Variants in DROSHA observed in about 807,000 individuals in gnomAD.
The protein encoded by DROSHA is ribonuclease 3.
In DROSHA, 56 loss-of-function variants were observed where a neutral mutation model predicts 181.9. That is an observed-to-expected ratio of 0.31 (90% CI 0.25 to 0.38). DROSHA has a LOEUF of 0.38. DROSHA is among the 10% of genes least tolerant of loss of function. The pLI is 1.00. For synonymous variants in DROSHA, 524 were observed against 591.2 expected (o/e 0.89, Z 1.65); for missense variants, 1,218 against 1,743.5 (o/e 0.70, Z 5.37).
chr5:31,449,252 A>G (rs1746679758), intron 22 of DROSHA, 29 bp downstream of exon 22: 1 of 1,611,430 alleles, frequency 6.2e-7, no homozygotes. Context: ...AAAATAGGAG[A>G]TTCACATCTT....
intron 16 of DROSHA, among the ~76,000 whole-genome samples, chr5:31,477,923 C>T (rs531523707): frequency 6.6e-6 from 1 of 152,108 alleles, no homozygotes; most frequent in Admixed American, 6.6e-5. Flanking sequence ...TTGAATAATC[C>T]TTGGTTTAAA....
At chr5:31,474,898 A>AGG (rs1750190369) in intron 16 of DROSHA, among the ~76,000 whole-genome samples, 1 of 152,242 alleles carries the variant, frequency 6.6e-6, no homozygotes, top group African/African-American at 2.4e-5. Flanking sequence ...CTGATCTCAG[A>AGG]CTACCAGCCT....
At chr5:31,407,433 G>A (rs1346928976) in intron 33 of DROSHA, among the ~76,000 whole-genome samples, 1 of 152,086 alleles carries the variant, frequency 6.6e-6, no homozygotes, top group Non-Finnish European at 1.5e-5. Flanking sequence ...ATCAGAAAAT[G>A]TATTTAATTT....
In DROSHA at chr5:31,504,603, T is replaced by C; in HGVS notation, c.1620A>G (p.Ala540=). The change falls in exon 11 of 36, where the codon GCA becomes GCG. Residue 540 remains alanine, a synonymous_variant. Transcript: ENST00000344624. ...MNDGPLCKCS[A]KARRTGIRHS... is the part of the protein sequence containing the mutation. Reference sequence around the variant, plus strand: ...GCCTAATTCCTGTGCGTCTTGCCTTTGCGCTGCATTTGCAGAGTGGTCCAT... The same window carrying C: ...GCCTAATTCCTGTGCGTCTTGCCTTCGCGCTGCATTTGCAGAGTGGTCCAT... The C allele has an allele frequency of 6.2e-7, 1 of 1,614,014 alleles. No individual in the cohort carries two copies. The highest frequency in any genetic ancestry group is 8.5e-7 in the Non-Finnish European group (1 of 1,179,890).
chr5:31,446,221 C>T (rs890876644), intron 23 of DROSHA, among the ~76,000 whole-genome samples: 24 of 151,138 alleles, frequency 1.6e-4, no homozygotes, highest in East Asian at 9.8e-4. Context: ...CCAAGGCGGG[C>T]GGATCACAAG....
rs1031727394 is a variant in DROSHA at position 31,514,340 on chromosome 5, T to C, written c.1290+648A>G. Among the ~76,000 whole-genome samples the C allele has an allele frequency of 6.6e-5, 10 of 151,938 alleles. No homozygotes were observed. The highest frequency in any genetic ancestry group is 2.4e-4 in the African/African-American group (10 of 41,322). On this transcript the variant is annotated intron_variant, in intron 8 of 35. Transcript: ENST00000344624. This position sits in a 1 kb window ranked among gnomAD's most constrained non-coding sequence, Gnocchi z 4.4. ...ACCACCAGTACTGAGACTACCAGTA[T>C]CATTAAAAATGTAGAATAGGCTGGG...
At chr5:31,440,630 G>A (rs1028546293) in intron 23 of DROSHA, among the ~76,000 whole-genome samples, 1 of 152,092 alleles carries the variant, frequency 6.6e-6, no homozygotes, top group Non-Finnish European at 1.5e-5. Context: ...ACATCACTCT[G>A]GAAAGCAATT....
At chr5:31,413,514 T>A (rs1181950618) in intron 30 of DROSHA, among the ~76,000 whole-genome samples, 1 of 152,174 alleles carries the variant, frequency 6.6e-6, no homozygotes, top group Non-Finnish European at 1.5e-5. Flanking sequence ...CCCAGGGGTA[T>A]CAGCAAGAAA....
rs968341093 is a variant in DROSHA at position 31,431,721 on chromosome 5, A to G, written c.3043-43T>C. 11 of 1,593,988 alleles carry G rather than the reference A, an allele frequency of 6.9e-6. No individual in the cohort carries two copies. In the African/African-American group the frequency reaches 9.4e-5, roughly 14 times the overall value. On this transcript the variant is annotated intron_variant, in intron 25 of 35. Transcript: ENST00000344624. ...ACAAAACGTAAGAAAGAGTTTGCCA[A>G]AATCTTAACTATAGTAACTCAGCAT...
intron 31 of DROSHA, among the ~76,000 whole-genome samples, chr5:31,410,369 G>A (rs996399631): frequency 6.6e-6 from 1 of 152,190 alleles, no homozygotes; most frequent in African/African-American, 2.4e-5. Flanking sequence ...TCAGTATTTA[G>A]TGAATAAATT....
Position 31,401,449 on chromosome 5 carries a change from C to T in DROSHA, c.4108G>A (p.Glu1370Lys). 2 of 1,612,942 alleles carry T rather than the reference C, an allele frequency of 1.2e-6. No individual in the cohort carries two copies. Among genetic ancestry groups the T allele is most frequent in the Non-Finnish European group, 1.7e-6 (2 of 1,179,336 alleles). Residue 1370 changes from glutamate (E) to lysine (K), a missense_variant, in exon 36 of 36, where the codon GAA (glutamate) becomes AAA (lysine). Glu to Lys is a moderately conservative substitution (Grantham distance 56, BLOSUM62 1). Coordinates refer to ENST00000344624, the MANE Select transcript of DROSHA (RefSeq NM_001382508.1). ...GCCCTCCTTTATTTCTTGATGTCTTCAGTCTCATCTGGCTCTCTCTCTTGA... is the reference window on the plus strand; with the variant it reads ...GCCCTCCTTTATTTCTTGATGTCTTTAGTCTCATCTGGCTCTCTCTCTTGA... ...EHQEREPDET[E>K]DIKK
At chr5:31,484,456 A>C (rs553362852) in intron 15 of DROSHA, among the ~76,000 whole-genome samples, 2 of 148,804 alleles carry the variant, frequency 1.3e-5, no homozygotes, top group African/African-American at 5.0e-5. Flanking sequence ...AGAACCAAGC[A>C]TCAAGTCTTT....
intron 30 of DROSHA, among the ~76,000 whole-genome samples, chr5:31,419,719 C>G (rs921668711): frequency 6.6e-6 from 1 of 152,124 alleles, no homozygotes; most frequent in South Asian, 2.1e-4. Context: ...CAAAAGTGGC[C>G]TCTATAGGGC....
chr5:31,414,859 A>G (rs1010598682), intron 30 of DROSHA, among the ~76,000 whole-genome samples: 2 of 152,216 alleles, frequency 1.3e-5, no homozygotes, highest in African/African-American at 4.8e-5. Flanking sequence ...ACCTGTCATC[A>G]ACAACTTTAA....
intron 10 of DROSHA, among the ~76,000 whole-genome samples, chr5:31,506,839 G>A (rs1011041015): frequency 2.0e-5 from 3 of 152,150 alleles, no homozygotes; most frequent in African/African-American, 7.2e-5. Context: ...CTTTTACCAA[G>A]GTCTGGGATC....
At chr5:31,455,359 A>C (rs1747530316) in intron 20 of DROSHA, among the ~76,000 whole-genome samples, 1 of 152,150 alleles carries the variant, frequency 6.6e-6, no homozygotes, top group Non-Finnish European at 1.5e-5. Context: ...GAAGAGAAGC[A>C]AAGAAAATAC....
intron 8 of DROSHA, among the ~76,000 whole-genome samples, chr5:31,512,164 A>C (rs1462872036): frequency 5.9e-5 from 9 of 152,242 alleles, no homozygotes; most frequent in Admixed American, 5.9e-4. Flanking sequence ...ATGTAAAATT[A>C]AGGCAAATCA....
chr5:31,530,701 T>C, intron 3 of DROSHA, 97 bp downstream of exon 3: 1 of 388,664 alleles, frequency 2.6e-6, no homozygotes, highest in East Asian at 3.7e-5. Flanking sequence ...TCTATCAATC[T>C]TAAATGCCAC....
chr5:31,410,364 A>G (rs3805520), intron 31 of DROSHA, among the ~76,000 whole-genome samples: 23,916 of 152,198 alleles, frequency 0.16, 2,057 homozygotes, highest in East Asian at 0.3. Context: ...TAGTTTCAGT[A>G]TTTAGTGAAT....
Sources: gnomAD v4.1 joint callset for allele counts (sites outside exome capture counted in the v4.1 genomes callset) on GRCh38, gnomAD v4.1.1 for gene constraint, Gnocchi (gnomAD v3.1) non-coding constraint, MANE v1.5 for transcripts, NCBI Gene and HGNC (gene_info 2026-07-23, HGNC 2026-07-21) for gene names.